The following DNAAF1 variants were observed in gnomAD, a reference collection of about 807,000 sequenced individuals.
DNAAF1 encodes the protein dynein axonemal assembly factor 1.
A neutral mutation model predicts 71.1 loss-of-function variants in DNAAF1; 65 were observed. That is an observed-to-expected ratio of 0.91 (90% CI 0.75 to 1.12). The LOEUF is 1.12. DNAAF1 is among the 50% of genes most tolerant of loss of function. The pLI is 0.00. For synonymous variants in DNAAF1, 414 were observed against 354.6 expected, an observed-to-expected ratio of 1.17 and a Z score of -1.88; for missense variants, 1,178 against 899.8, an observed-to-expected ratio of 1.31 and a Z score of -3.96.
intron 7 of DNAAF1, 126 bp from the exon 8 acceptor site, chr16:84,169,732 CT>C (rs1208358568): frequency 2.8e-6 from 4 of 1,420,104 alleles, no homozygotes; most frequent in South Asian, 1.2e-5. Context: ...CTTGAGGACA[CT>C]TTTTTAACTG....
At position 84,176,216 on chromosome 16, in the gene DNAAF1, T is replaced by C; in HGVS notation, c.1982T>C (p.Met661Thr). 1 of 1,613,750 alleles carries C rather than the reference T, an allele frequency of 6.2e-7. No individual in the cohort carries two copies. Among genetic ancestry groups the C allele is most frequent in the South Asian group, 1.1e-5 (1 of 91,092 alleles). Residue 661 changes from methionine (M) to threonine (T), a missense_variant, in exon 11 of 12, where the codon ATG (methionine) becomes ACG (threonine). Physicochemically the swap from Met to Thr is moderately conservative, Grantham distance 81. Coordinates refer to ENST00000378553, the MANE Select transcript of DNAAF1 (RefSeq NM_178452.6). Reference sequence around the variant, plus strand: ...GAGGACCCCTCTGGCCAGCTACTGATGCCCCCCACCTGCCAAAGAGATGCT... The same window carrying C: ...GAGGACCCCTCTGGCCAGCTACTGACGCCCCCCACCTGCCAAAGAGATGCT... ...SDEDPSGQLL[M>T]PPTCQRDAAP...
chr16:84,157,507 T>C (rs1310537728), intron 5 of DNAAF1, among the ~76,000 whole-genome samples: 1 of 139,952 alleles, frequency 7.1e-6, no homozygotes, highest in East Asian at 2.1e-4. Flanking sequence ...TGAGACACTG[T>C]GTCAAAAAAA....
chr16:84,146,587 T>G (rs2086922686), intron 1 of DNAAF1, among the ~76,000 whole-genome samples: 1 of 152,042 alleles, frequency 6.6e-6, no homozygotes. Flanking sequence ...CGTGGTGACG[T>G]GCTCCTGTAA....
intron 6 of DNAAF1, among the ~76,000 whole-genome samples, chr16:84,163,186 G>A (rs1010959501): frequency 2.0e-5 from 3 of 152,076 alleles, no homozygotes; most frequent in Non-Finnish European, 4.4e-5. Flanking sequence ...GTCTTCTCCT[G>A]GGTATGTATC....
intron 7 of DNAAF1, among the ~76,000 whole-genome samples, chr16:84,167,519 G>C (rs533422850): frequency 6.6e-6 from 1 of 152,218 alleles, no homozygotes; most frequent in South Asian, 2.1e-4. Flanking sequence ...CGCCCCATTC[G>C]AACAAAAGAT....
intron 7 of DNAAF1, among the ~76,000 whole-genome samples, chr16:84,167,939 C>G (rs2088111073): frequency 6.6e-6 from 1 of 152,062 alleles, no homozygotes; most frequent in Non-Finnish European, 1.5e-5. Context: ...ATTGCTTGAA[C>G]CTGGGAGGCA....
At position 84,176,086 on chromosome 16, in the gene DNAAF1, C is replaced by G; in HGVS notation, c.1852C>G (p.Arg618Gly). The change falls in exon 11 of 12, where the codon CGG (arginine) becomes GGG (glycine). Residue 618 changes from arginine (R) to glycine (G), a missense_variant. Arg to Gly is a moderately radical substitution (Grantham distance 125). Coordinates refer to ENST00000378553, the MANE Select transcript of DNAAF1 (RefSeq NM_178452.6). ...CTCTAAAGACACCTCAAAGGCGGCTCGGGTGCCCTTCACAGACATCTTTAA... is the reference window on the plus strand; with the variant it reads ...CTCTAAAGACACCTCAAAGGCGGCTGGGGTGCCCTTCACAGACATCTTTAA... ...AVSKDTSKAARVPFTDIFKKE... is the reference protein window; with the variant it reads ...AVSKDTSKAAGVPFTDIFKKE... 2 of 1,614,040 alleles carry G rather than the reference C, an allele frequency of 1.2e-6. No individual in the cohort carries two copies. The highest frequency in any genetic ancestry group is 1.7e-6 in the Non-Finnish European group (2 of 1,179,986).
chr16:84,146,646 G>T (rs912429774), intron 1 of DNAAF1, among the ~76,000 whole-genome samples: 2 of 152,074 alleles, frequency 1.3e-5, no homozygotes, highest in Non-Finnish European at 2.9e-5. Context: ...GAACCCCGGA[G>T]GCAGAGGTTG....
Position 84,170,651 on chromosome 16 carries a change from C to T in DNAAF1, c.1528+295C>T, listed in dbSNP as rs5024459. ...GAGTTTCAGACCAGCCTCAGAAATA[C>T]AGAGACCTCATCCCTACCAAAACTA... is the stretch of plus-strand genomic sequence containing the variant. On this transcript the variant is annotated intron_variant, in intron 8 of 11. Transcript: ENST00000378553. 0.099 allele frequency among the ~76,000 whole-genome samples: 15,032 copies of T among 151,656 alleles called. 1,207 individuals carry two copies. The highest frequency in any genetic ancestry group is 0.23 in the African/African-American group (9,324 of 41,326).
At position 84,177,810 on chromosome 16, in the gene DNAAF1, T is replaced by C. The variant is rs771645622; in HGVS notation, c.2147T>C (p.Leu716Pro). 1 of 1,614,044 alleles carries C rather than the reference T, an allele frequency of 6.2e-7. No homozygotes were observed. Among genetic ancestry groups the C allele is most frequent in the East Asian group, 2.2e-5 (1 of 44,880 alleles). ...QPSQALPTWD[L>P]TAFPAPKAS ...AGCCAAGCTCTGCCCACGTGGGACCTCACTGCATTCCCAGCACCGAAAGCA... is the reference window on the plus strand; with the variant it reads ...AGCCAAGCTCTGCCCACGTGGGACCCCACTGCATTCCCAGCACCGAAAGCA... The change falls in exon 12 of 12, where the codon CTC becomes CCC. Residue 716 changes from leucine (L) to proline (P), a missense_variant. By Grantham distance (98) the Leu-to-Pro change is moderately conservative (BLOSUM62 -3). Coordinates refer to ENST00000378553, the MANE Select transcript of DNAAF1 (RefSeq NM_178452.6).
intron 5 of DNAAF1, among the ~76,000 whole-genome samples, chr16:84,156,691 C>G (rs978895708): frequency 6.6e-6 from 1 of 152,198 alleles, no homozygotes; most frequent in African/African-American, 2.4e-5. Flanking sequence ...CTCTCAGCAT[C>G]TGTTAGCTAG....
intron 5 of DNAAF1, among the ~76,000 whole-genome samples, chr16:84,157,923 C>T (rs776057899): frequency 6.6e-6 from 1 of 152,098 alleles, no homozygotes; most frequent in African/African-American, 2.4e-5. Flanking sequence ...TTTATTTTCT[C>T]GTGGCCAGGC....
chr16:84,174,285 C>A (rs749622188), intron 9 of DNAAF1: 2 of 1,100,316 alleles, frequency 1.8e-6, no homozygotes, highest in Non-Finnish European at 1.1e-6. Context: ...TGGGGAGGTA[C>A]AAAATATATT....
At chr16:84,151,710 G>T (rs2087191637) in intron 3 of DNAAF1, among the ~76,000 whole-genome samples, 2 of 152,194 alleles carry the variant, frequency 1.3e-5, no homozygotes, top group African/African-American at 4.8e-5. Context: ...CTGGCTCAGG[G>T]TCTCTCATGA....
At chr16:84,150,086 A>G (rs1458836991) in intron 2 of DNAAF1, among the ~76,000 whole-genome samples, 165 bp from the exon 3 acceptor site, 2 of 152,216 alleles carry the variant, frequency 1.3e-5, no homozygotes, top group Non-Finnish European at 1.5e-5. Context: ...AAAAAGAAGA[A>G]GAAAAAGGAA....
chr16:84,149,105 G>A lies in DNAAF1; in HGVS notation c.223G>A (p.Ala75Thr), dbSNP rs200440212. 8.7e-5 allele frequency: 141 copies of A among 1,613,890 alleles called. 1 individual carries two copies. The highest frequency in any genetic ancestry group is 4.5e-4 in the African/African-American group (34 of 74,864). The stretch of plus-strand genomic sequence containing the variant: ...TGATAATGGGTCAGGTGGTCACTTC[G>A]CACACCCAAGAGAAGACAGGGAAGA... Reference protein sequence around the residue: ...SGDNGSGGHFAHPREDREDRG... With the variant: ...SGDNGSGGHFTHPREDREDRG... Residue 75 changes from alanine to threonine, a missense_variant, in exon 2 of 12, where the codon GCA becomes ACA. By Grantham distance (58) the Ala-to-Thr change is moderately conservative. Coordinates refer to ENST00000378553, the MANE Select transcript of DNAAF1 (RefSeq NM_178452.6).
rs886052373 is a variant in DNAAF1 at position 84,177,857 on chromosome 16, T to C, written c.*16T>C. Reference sequence around the variant, plus strand: ...AGCATCATAGTTTTCCCCAGTTATATGTAGCATAAATGGTTTAATCATAAA... The same window carrying C: ...AGCATCATAGTTTTCCCCAGTTATACGTAGCATAAATGGTTTAATCATAAA... On this transcript the variant is annotated 3_prime_UTR_variant, in exon 12 of 12. Coordinates refer to ENST00000378553, the MANE Select transcript of DNAAF1 (RefSeq NM_178452.6). The C allele has an allele frequency of 1.3e-5, 20 of 1,594,398 alleles. No individual in the cohort carries two copies. The African/African-American group carries it at 1.7e-4, about 14-fold the overall frequency.
intron 7 of DNAAF1, among the ~76,000 whole-genome samples, chr16:84,168,163 C>T (rs2088124458): frequency 1.3e-5 from 2 of 152,310 alleles, no homozygotes; most frequent in East Asian, 1.9e-4. Flanking sequence ...GCTTCCTTGC[C>T]TTTCTCACCT....
At chr16:84,177,421 AC>A (rs1448734125) in intron 11 of DNAAF1, 4 of 370,688 alleles carry the variant, frequency 1.1e-5, no homozygotes, top group Non-Finnish European at 2.1e-5. Flanking sequence ...GATTACAGGC[AC>A]CCGTCAAGGG....
Sources: allele counts gnomAD v4.1 joint callset (sites outside exome capture counted in the v4.1 genomes callset), GRCh38; gene constraint gnomAD v4.1.1; transcripts MANE v1.5; gene names NCBI Gene and HGNC (gene_info 2026-07-23, HGNC 2026-07-21).